Variants in SAMTOR observed in about 807,000 individuals in gnomAD.
SAMTOR encodes the protein UPF0532 protein C7orf60.
chr7:112,933,673 G>A, the SAMTOR span, among the ~76,000 whole-genome samples: 410 of 152,248 alleles, frequency 2.7e-3, no homozygotes, highest in Non-Finnish European at 3.5e-3. Context: ...CTTTGCAACA[G>A]AAAAATCTTA....
At chr7:112,923,049 G>C in the SAMTOR span, among the ~76,000 whole-genome samples, 1 of 152,228 alleles carries the variant, frequency 6.6e-6, no homozygotes, top group African/African-American at 2.4e-5. Context: ...GGGAAAGGTG[G>C]GGAAAAGATT....
chr7:112,910,534 A>C, the SAMTOR span, among the ~76,000 whole-genome samples: 1 of 152,196 alleles, frequency 6.6e-6, no homozygotes, highest in Non-Finnish European at 1.5e-5. Context: ...AAGCCAAAAT[A>C]TCACTGTACA....
chr7:112,854,496 C>G, the SAMTOR span, among the ~76,000 whole-genome samples: 6 of 152,210 alleles, frequency 3.9e-5, no homozygotes, highest in East Asian at 1.2e-3. Context: ...GATATTGGCT[C>G]ATAGAATTAA....
At chr7:112,858,732 C>T in the SAMTOR span, among the ~76,000 whole-genome samples, 8 of 152,126 alleles carry the variant, frequency 5.3e-5, no homozygotes, top group African/African-American at 1.9e-4. Context: ...AGGGTGTCCA[C>T]TCCTATGTTC....
chr7:112,883,462 CA>C, the SAMTOR span, among the ~76,000 whole-genome samples: 2 of 151,948 alleles, frequency 1.3e-5, no homozygotes, highest in African/African-American at 2.4e-5. Flanking sequence ...AAAACAATAG[CA>C]AAAAAGGAAA....
At chr7:112,863,282 A>G in the SAMTOR span, among the ~76,000 whole-genome samples, 1 of 152,182 alleles carries the variant, frequency 6.6e-6, no homozygotes, top group Non-Finnish European at 1.5e-5. Flanking sequence ...ACAAAAATAA[A>G]ATCAAGATGG....
At chr7:112,885,137 AG>A in the SAMTOR span, among the ~76,000 whole-genome samples, 1 of 150,770 alleles carries the variant, frequency 6.6e-6, no homozygotes, top group Non-Finnish European at 1.5e-5. Context: ...GCTGGGATGC[AG>A]GGCACCATGT....
At chr7:112,933,274 G>C in the SAMTOR span, among the ~76,000 whole-genome samples, 1 of 152,032 alleles carries the variant, frequency 6.6e-6, no homozygotes, top group Non-Finnish European at 1.5e-5. Flanking sequence ...GATTGCTCTA[G>C]GAAATTAACA....
the SAMTOR span, among the ~76,000 whole-genome samples, chr7:112,935,010 T>C: frequency 6.6e-6 from 1 of 152,224 alleles, no homozygotes; most frequent in Non-Finnish European, 1.5e-5. Context: ...TCATTATTTT[T>C]CTTCTGTTGG....
chr7:112,848,383 A>C, the SAMTOR span, among the ~76,000 whole-genome samples: 1 of 151,320 alleles, frequency 6.6e-6, no homozygotes, highest in African/African-American at 2.5e-5. Context: ...TACCTATTCT[A>C]TCTGTTAGCC....
At chr7:112,838,595 T>C in the SAMTOR span, among the ~76,000 whole-genome samples, 1 of 151,900 alleles carries the variant, frequency 6.6e-6, no homozygotes, top group Admixed American at 6.6e-5. Flanking sequence ...TTTTGGAAGT[T>C]GTTAATGTTT....
At chr7:112,869,146 T>C in the SAMTOR span, among the ~76,000 whole-genome samples, 3 of 152,022 alleles carry the variant, frequency 2.0e-5, no homozygotes, top group African/African-American at 4.8e-5. Context: ...AGCCAAGGAA[T>C]GAATTCGGAG....
the SAMTOR span, among the ~76,000 whole-genome samples, chr7:112,871,336 G>A: frequency 6.6e-6 from 1 of 152,008 alleles, no homozygotes; most frequent in African/African-American, 2.4e-5. Flanking sequence ...ATATCACAGA[G>A]GAATAAAAAT....
At chr7:112,894,399 A>G in the SAMTOR span, among the ~76,000 whole-genome samples, 1 of 152,208 alleles carries the variant, frequency 6.6e-6, no homozygotes, top group African/African-American at 2.4e-5. Flanking sequence ...CATCATAATA[A>G]TGAAAAAGTT....
At chr7:112,902,706 G>T in the SAMTOR span, among the ~76,000 whole-genome samples, 2 of 152,062 alleles carry the variant, frequency 1.3e-5, no homozygotes, top group Non-Finnish European at 1.5e-5. Flanking sequence ...TGTTGACAGT[G>T]GGGGAGGCTA....
chr7:112,876,929 G>A, the SAMTOR span, among the ~76,000 whole-genome samples: 268 of 152,198 alleles, frequency 1.8e-3, 2 homozygotes, highest in Non-Finnish European at 1.4e-3. Flanking sequence ...CCAAATATTA[G>A]CTCTGAGATA....
chr7:112,907,247 A>G, the SAMTOR span, among the ~76,000 whole-genome samples: 389 of 152,324 alleles, frequency 2.6e-3, 1 homozygote, highest in Non-Finnish European at 5.0e-3. Flanking sequence ...GAAAAGGTAA[A>G]GTTTTTAATA....
At chr7:112,891,309 C>T in the SAMTOR span, among the ~76,000 whole-genome samples, 1 of 152,120 alleles carries the variant, frequency 6.6e-6, no homozygotes, top group South Asian at 2.1e-4. Flanking sequence ...TTATGGTTCC[C>T]TACTGAAGTA....
the SAMTOR span, among the ~76,000 whole-genome samples, chr7:112,883,627 A>G: frequency 2.0e-5 from 3 of 152,334 alleles, no homozygotes; most frequent in Admixed American, 6.5e-5. Context: ...TTCTTAGAGC[A>G]CTGTGCATAA....
Sources: allele counts gnomAD v4.1 joint callset (sites outside exome capture counted in the v4.1 genomes callset), GRCh38; gene constraint gnomAD v4.1.1; transcripts MANE v1.5; gene names NCBI Gene and HGNC (gene_info 2026-07-23, HGNC 2026-07-21).